The following LPP variants were observed in gnomAD, a reference collection of about 807,000 sequenced individuals.
LPP encodes the protein lipoma-preferred partner.
In LPP, 38 loss-of-function variants were observed where a neutral mutation model predicts 60.4. That is an observed-to-expected ratio of 0.63 (90% CI 0.49 to 0.83). LPP has a LOEUF of 0.83. Ranked by LOEUF, LPP falls within the 40% of genes least tolerant of loss-of-function variation. LPP has a pLI of 0.00. For missense variants in LPP, 902 were observed against 783.6 expected, an observed-to-expected ratio of 1.15 and a Z score of -1.80; for synonymous variants, 328 against 290.8, an observed-to-expected ratio of 1.13 and a Z score of -1.30.
chr3:188,570,889 A>G lies in LPP; in HGVS notation c.430-38272A>G, dbSNP rs374911458. 2.6e-5 allele frequency among the ~76,000 whole-genome samples: 4 copies of G among 152,150 alleles called. No homozygotes were observed. In the East Asian group the frequency reaches 5.8e-4, roughly 22 times the overall value. Reference sequence around the variant, plus strand: ...TAATATTCTCCTCCTAAGCAATTTAACCAACTTCTAAAAAAAAGTATAAGA... The same window carrying G: ...TAATATTCTCCTCCTAAGCAATTTAGCCAACTTCTAAAAAAAAGTATAAGA... On this transcript the variant is annotated intron_variant, in intron 6 of 11. Transcript: ENST00000617246.
intron 2 of LPP, among the ~76,000 whole-genome samples, chr3:188,248,662 C>G (rs1044199419): frequency 6.6e-6 from 1 of 151,254 alleles, no homozygotes; most frequent in Non-Finnish European, 1.5e-5. Flanking sequence ...CAAACTTATC[C>G]AAGAAGGAGA....
At chr3:188,630,893 G>T (rs1055360977) in intron 7 of LPP, among the ~76,000 whole-genome samples, 2 of 152,094 alleles carry the variant, frequency 1.3e-5, no homozygotes, top group Non-Finnish European at 2.9e-5. Flanking sequence ...TGGAGCTGGA[G>T]GCCATTATTC....
At chr3:188,725,172 G>C (rs1214119715) in intron 8 of LPP, 1 of 152,078 alleles carries the variant, frequency 6.6e-6, no homozygotes, top group African/African-American at 2.4e-5. Flanking sequence ...GAAAAGTTTC[G>C]TTGTGCCTCT....
At chr3:188,203,233 A>C (rs1409875236) in intron 1 of LPP, among the ~76,000 whole-genome samples, 15 of 130,056 alleles carry the variant, frequency 1.2e-4, no homozygotes, top group Non-Finnish European at 3.1e-5. Context: ...TTGTAATACA[A>C]TATATTTTAT....
At chr3:188,872,531 G>C (rs540997750) in intron 10 of LPP, 112 bp from the exon 11 acceptor site, 5 of 1,139,932 alleles carry the variant, frequency 4.4e-6, no homozygotes, top group South Asian at 1.4e-5. Flanking sequence ...CTCACCTTAC[G>C]GATGAGGAAG....
chr3:188,841,393 G>GTTTTTTTTTTT (rs71169023), intron 9 of LPP, among the ~76,000 whole-genome samples: 12 of 112,868 alleles, frequency 1.1e-4, no homozygotes, highest in African/African-American at 2.8e-4. Context: ...TTCTGAATTT[G>GTTTTTTTTTTT]TTTTTTTTTT....
chr3:188,321,183 A>G (rs1756853842), intron 2 of LPP, among the ~76,000 whole-genome samples: 1 of 152,176 alleles, frequency 6.6e-6, no homozygotes. Context: ...CTTGTTTCCA[A>G]CAAATGTTTT....
chr3:188,735,357 A>G (rs1722110306), intron 8 of LPP, among the ~76,000 whole-genome samples: 1 of 151,372 alleles, frequency 6.6e-6, no homozygotes, highest in Non-Finnish European at 1.5e-5. Flanking sequence ...AGTGTAATAT[A>G]AATAAAATAA....
rs190643482 is a variant in LPP at position 188,253,432 on chromosome 3, G to A, written c.-67+27905G>A. On this transcript the variant is annotated intron_variant, in intron 2 of 11. Transcript: ENST00000617246. Reference sequence around the variant, plus strand: ...CAGTTTGTGTGTAACATAATGAATGGATCTAATTTTACTTTTTTCCAAATG... The same window carrying A: ...CAGTTTGTGTGTAACATAATGAATGAATCTAATTTTACTTTTTTCCAAATG... 2.6e-5 allele frequency among the ~76,000 whole-genome samples: 4 copies of A among 152,200 alleles called. No individual in the cohort carries two copies. In the East Asian group the frequency reaches 7.7e-4, roughly 29 times the overall value.
intron 8 of LPP, chr3:188,712,325 C>G (rs1402647271): frequency 6.6e-6 from 1 of 152,254 alleles, no homozygotes; most frequent in Non-Finnish European, 1.5e-5. Context: ...GCTGGGTGTT[C>G]AGGACACCCA....
At chr3:188,859,838 T>C (rs1764762830) in intron 9 of LPP, among the ~76,000 whole-genome samples, 1 of 152,138 alleles carries the variant, frequency 6.6e-6, no homozygotes, top group Non-Finnish European at 1.5e-5. Flanking sequence ...AAAAGTACAG[T>C]TTAGAGATTT....
chr3:188,832,203 T>C lies in LPP; in HGVS notation c.1411-33997T>C, dbSNP rs141089064. ...CTTACCATGATTACATGTTGTGATA[T>C]ACGAGTCCATCTCAGCAGATAGAGA... On this transcript the variant is annotated intron_variant, in intron 9 of 11. Transcript: ENST00000617246. Among the ~76,000 whole-genome samples the C allele has an allele frequency of 9.8e-3, 1,485 of 152,242 alleles. 15 individuals carry two copies. The highest frequency in any genetic ancestry group is 0.015 in the Non-Finnish European group (1,013 of 68,024).
At chr3:188,621,190 A>G (rs1004929704) in intron 7 of LPP, among the ~76,000 whole-genome samples, 6 of 152,178 alleles carry the variant, frequency 3.9e-5, no homozygotes, top group Non-Finnish European at 7.3e-5. Flanking sequence ...GCTTTTATAA[A>G]TGTTCTTTTT....
At chr3:188,198,352 T>C (rs564139511) in intron 1 of LPP, among the ~76,000 whole-genome samples, 8 of 152,244 alleles carry the variant, frequency 5.3e-5, no homozygotes, top group Non-Finnish European at 1.2e-4. Flanking sequence ...ACAGGCTTAA[T>C]GTTTTCTAAC....
chr3:188,428,332 A>T (rs1790003398), intron 4 of LPP, among the ~76,000 whole-genome samples: 1 of 152,112 alleles, frequency 6.6e-6, no homozygotes, highest in Admixed American at 6.6e-5. Flanking sequence ...TCTCTCTGGG[A>T]GCTGCAGACT....
intron 7 of LPP, among the ~76,000 whole-genome samples, chr3:188,675,904 G>A (rs895550586): frequency 1.3e-5 from 2 of 152,086 alleles, no homozygotes; most frequent in African/African-American, 4.8e-5. Context: ...GTGTTTTCTT[G>A]TACTGCCCCG....
At chr3:188,433,263 G>A (rs1320081898) in intron 4 of LPP, among the ~76,000 whole-genome samples, 1 of 152,160 alleles carries the variant, frequency 6.6e-6, no homozygotes, top group African/African-American at 2.4e-5. Flanking sequence ...TCAAAGGAAA[G>A]TGGGGAAATC....
Position 188,622,516 on chromosome 3 carries a change from G to A in LPP, c.1113+12672G>A, listed in dbSNP as rs542689661. On this transcript the variant is annotated intron_variant, in intron 7 of 11. Coordinates refer to ENST00000617246, the MANE Select transcript of LPP (RefSeq NM_001375462.1). ...AATTTCTAGGGAAAAAAATGTGGAG[G>A]AAATATGTGGTTTTTGTTATACTTG... Among the ~76,000 whole-genome samples the A allele has an allele frequency of 1.3e-3, 197 of 152,222 alleles. 1 individual carries two copies. The highest frequency in any genetic ancestry group is 4.6e-3 in the African/African-American group (192 of 41,548).
chr3:188,250,784 T>TTCTC (rs1553835749), intron 2 of LPP, among the ~76,000 whole-genome samples: 1 of 116,850 alleles, frequency 8.6e-6, no homozygotes, highest in Admixed American at 8.4e-5. Context: ...CTTTCTTTCT[T>TTCTC]TCTGTCTTTC....
Sources: allele counts gnomAD v4.1 joint callset (sites outside exome capture counted in the v4.1 genomes callset), GRCh38; gene constraint gnomAD v4.1.1; transcripts MANE v1.5; gene names NCBI Gene and HGNC (gene_info 2026-07-23, HGNC 2026-07-21).